ARID2: variants seen among roughly 807,000 people sequenced by gnomAD.
ARID2 encodes AT-rich interactive domain-containing protein 2.
A neutral mutation model predicts 184.6 loss-of-function variants in ARID2; 32 were observed. The observed-to-expected ratio is 0.17, with a 90% CI of 0.13 to 0.23. ARID2 has a LOEUF of 0.23. ARID2 is among the 10% of genes least tolerant of loss of function. The pLI is 1.00. For synonymous variants in ARID2, 836 were observed against 772.6 expected (o/e 1.08, Z -1.36); for missense variants, 1,696 against 2,197.6 (o/e 0.77, Z 4.56).
chr12:45,790,946 G>T (rs544219573), intron 3 of ARID2, among the ~76,000 whole-genome samples: 3 of 152,152 alleles, frequency 2.0e-5, no homozygotes, highest in Non-Finnish European at 4.4e-5. Context: ...GTCAGTGGAC[G>T]CTTGGGCTAC....
At chr12:45,842,306 T>C (rs963651307) in intron 11 of ARID2, 29 of 143,982 alleles carry the variant, frequency 2.0e-4, no homozygotes, top group African/African-American at 3.2e-4. Flanking sequence ...TGTATATATA[T>C]ACACACATGT....
At chr12:45,873,273 C>T (rs1943953647) in intron 16 of ARID2, among the ~76,000 whole-genome samples, 1 of 152,132 alleles carries the variant, frequency 6.6e-6, no homozygotes, top group South Asian at 2.1e-4. Flanking sequence ...TTTATTTTAA[C>T]AATACATAGT....
intron 11 of ARID2, chr12:45,840,661 G>T (rs186514646): frequency 7.2e-5 from 11 of 152,040 alleles, no homozygotes. Context: ...CTAAATACCT[G>T]GCCTTTTCAA....
intron 3 of ARID2, among the ~76,000 whole-genome samples, chr12:45,752,488 G>C (rs1941482276): frequency 6.6e-6 from 1 of 152,210 alleles, no homozygotes; most frequent in African/African-American, 2.4e-5. Context: ...GAAACACTCA[G>C]TAGGTACACT....
chr12:45,748,639 T>A (rs1026603274), intron 3 of ARID2, among the ~76,000 whole-genome samples: 12 of 152,228 alleles, frequency 7.9e-5, no homozygotes, highest in African/African-American at 2.9e-4. Flanking sequence ...TAATGCTGTT[T>A]GGTAGCAAAT....
intron 3 of ARID2, among the ~76,000 whole-genome samples, chr12:45,808,757 G>A (rs970240698): frequency 1.1e-4 from 17 of 150,424 alleles, no homozygotes; most frequent in African/African-American, 3.9e-4. Context: ...GTGTGTGTGT[G>A]TGTATGTGTG....
intron 3 of ARID2, among the ~76,000 whole-genome samples, chr12:45,779,579 A>C (rs976998538): frequency 5.3e-5 from 8 of 152,154 alleles, no homozygotes; most frequent in African/African-American, 1.9e-4. Context: ...TGGTCATTGT[A>C]ATGGTAAGAG....
At chr12:45,882,592 G>T (rs186659023) in intron 16 of ARID2, among the ~76,000 whole-genome samples, 1 of 152,260 alleles carries the variant, frequency 6.6e-6, no homozygotes, top group East Asian at 1.9e-4. Flanking sequence ...GAAAATACTT[G>T]AAAGAGTAAA....
At chr12:45,766,806 G>A (rs763814889) in intron 3 of ARID2, among the ~76,000 whole-genome samples, 3 of 152,076 alleles carry the variant, frequency 2.0e-5, no homozygotes, top group Admixed American at 1.3e-4. Flanking sequence ...GAGCCACCGC[G>A]CCCAGCCGGC....
At chr12:45,854,107 CGAAGGATCTAG>C (rs778427968) in intron 15 of ARID2, among the ~76,000 whole-genome samples, 4 of 152,118 alleles carry the variant, frequency 2.6e-5, no homozygotes, top group Non-Finnish European at 4.4e-5. Context: ...ACTGTGCATG[CGAAGGATCTAG>C]GTTGCACGCT....
intron 15 of ARID2, among the ~76,000 whole-genome samples, chr12:45,857,579 G>A (rs1175066770): frequency 6.6e-6 from 1 of 152,088 alleles, no homozygotes; most frequent in African/African-American, 2.4e-5. Context: ...AAGAAAATGA[G>A]GAAATGTTAG....
intron 16 of ARID2, among the ~76,000 whole-genome samples, chr12:45,890,345 G>A (rs1452859061): frequency 6.6e-6 from 1 of 152,210 alleles, no homozygotes; most frequent in African/African-American, 2.4e-5. Context: ...AAATAGTTTA[G>A]AAATAGACAT....
At chr12:45,859,856 C>T (rs563612060) in intron 15 of ARID2, among the ~76,000 whole-genome samples, 1 of 152,284 alleles carries the variant, frequency 6.6e-6, no homozygotes, top group East Asian at 1.9e-4. Context: ...GCCTCAGCCT[C>T]CCAAGTAGCT....
chr12:45,810,115 T>A (rs892459254), intron 3 of ARID2, among the ~76,000 whole-genome samples: 6 of 152,202 alleles, frequency 3.9e-5, no homozygotes, highest in African/African-American at 4.8e-5. Flanking sequence ...AACTTTTCTT[T>A]GGTAAATGTA....
At chr12:45,901,121 C>CT (rs1944451112) in intron 20 of ARID2, among the ~76,000 whole-genome samples, 1 of 123,750 alleles carries the variant, frequency 8.1e-6, no homozygotes, top group Non-Finnish European at 1.7e-5. Context: ...TCTGTTTTCT[C>CT]TCTGTTTAAT....
At chr12:45,736,172 A>G (rs532343060) in intron 3 of ARID2, among the ~76,000 whole-genome samples, 1 of 152,304 alleles carries the variant, frequency 6.6e-6, no homozygotes, top group South Asian at 2.1e-4. Context: ...TCTGGCTAAC[A>G]CAGTGAAACC....
At chr12:45,737,194 C>A (rs1283439732) in intron 3 of ARID2, among the ~76,000 whole-genome samples, 1 of 152,170 alleles carries the variant, frequency 6.6e-6, no homozygotes, top group Non-Finnish European at 1.5e-5. Context: ...ATAGCTATCA[C>A]ATTCTGAATT....
chr12:45,820,645 T>C (rs1448558908), intron 5 of ARID2, among the ~76,000 whole-genome samples: 7 of 152,206 alleles, frequency 4.6e-5, no homozygotes, highest in Non-Finnish European at 8.8e-5. Context: ...TTCACTTAAT[T>C]TTTAAGGGGA....
At chr12:45,766,969 A>G (rs896625666) in intron 3 of ARID2, among the ~76,000 whole-genome samples, 2 of 152,064 alleles carry the variant, frequency 1.3e-5, no homozygotes. Flanking sequence ...ACTCTGTCTC[A>G]AAACAAAACA....
Sources: gnomAD v4.1 joint callset for allele counts (sites outside exome capture counted in the v4.1 genomes callset) on GRCh38, gnomAD v4.1.1 for gene constraint, MANE v1.5 for transcripts, NCBI Gene and HGNC (gene_info 2026-07-23, HGNC 2026-07-21) for gene names.